The following CCDC171 variants were observed in gnomAD, a reference collection of about 807,000 sequenced individuals.
The protein encoded by CCDC171 is coiled-coil domain containing 171.
Under a neutral mutation model 168.2 loss-of-function variants are expected in CCDC171, and 177 were observed. The observed-to-expected ratio is 1.05, with a 90% CI of 0.93 to 1.19. The LOEUF (loss-of-function observed/expected upper bound fraction) is 1.19, where lower values mean the gene tolerates loss of function less well. Among genes scored for constraint, CCDC171 ranks in the 50% most tolerant of loss-of-function variants. The pLI is 0.00. For synonymous variants in CCDC171, 687 were observed against 540.8 expected (o/e 1.27, Z -3.75); for missense variants, 1,991 against 1,539.0 (o/e 1.29, Z -4.91).
chr9:15,844,826 A>C (rs994340534), intron 21 of CCDC171, among the ~76,000 whole-genome samples: 1 of 152,076 alleles, frequency 6.6e-6, no homozygotes, highest in African/African-American at 2.4e-5. Context: ...TGAAAAGTCA[A>C]GTGTGGGTTT....
chr9:15,632,454 C>T (rs984652236), intron 7 of CCDC171, among the ~76,000 whole-genome samples: 17 of 151,946 alleles, frequency 1.1e-4, no homozygotes, highest in African/African-American at 4.1e-4. Flanking sequence ...CCTAGGAATC[C>T]AACTTACAAG....
chr9:16,076,925 A>C, the CCDC171 span, among the ~76,000 whole-genome samples: 5 of 152,320 alleles, frequency 3.3e-5, no homozygotes, highest in Non-Finnish European at 7.3e-5. Flanking sequence ...CTCTCGCTCA[A>C]CATGGATTCA....
intron 25 of CCDC171, among the ~76,000 whole-genome samples, chr9:15,939,180 T>C: frequency 6.6e-6 from 1 of 151,756 alleles, no homozygotes; most frequent in Middle Eastern, 3.4e-3. Flanking sequence ...TGTGTCTAAA[T>C]AGATAATATC....
In CCDC171 at chr9:15,895,423, C is replaced by T. The variant is rs1482386685; in HGVS notation, c.3600+20760C>T. ...AATTCATAAGAACATTTCCACTTAT[C>T]GAGGCCAGATGTCATGATTTTGACA... On this transcript the variant is annotated intron_variant, in intron 24 of 25. Transcript: ENST00000380701. 2.6e-5 allele frequency among the ~76,000 whole-genome samples: 4 copies of T among 152,028 alleles called. No homozygotes were observed. In the East Asian group the frequency reaches 5.8e-4, roughly 22 times the overall value.
chr9:15,865,837 C>T (rs558254596), intron 23 of CCDC171, among the ~76,000 whole-genome samples: 1 of 112,164 alleles, frequency 8.9e-6, no homozygotes, highest in South Asian at 3.9e-4. Flanking sequence ...GTTCAAAGTT[C>T]AACTCTGCGT....
rs149756637 is a variant in CCDC171 at position 15,613,513 on chromosome 9, T to C, written c.676-9754T>C. Reference sequence around the variant, plus strand: ...AACAAATGGTTTTGATTTGCATTTTTCTTTTTTTCTTTTCTTTTTTTTTTT... The same window carrying C: ...AACAAATGGTTTTGATTTGCATTTTCCTTTTTTTCTTTTCTTTTTTTTTTT... On this transcript the variant is annotated intron_variant, in intron 6 of 25. Transcript: ENST00000380701. Among the ~76,000 whole-genome samples, 853 of 151,462 alleles carry C rather than the reference T, an allele frequency of 5.6e-3. 12 individuals carry two copies. The highest frequency in any genetic ancestry group is 0.02 in the African/African-American group (824 of 41,424).
chr9:15,773,815 C>A (rs2057147010), intron 18 of CCDC171, among the ~76,000 whole-genome samples: 1 of 152,106 alleles, frequency 6.6e-6, no homozygotes, highest in Non-Finnish European at 1.5e-5. Flanking sequence ...TAAAAAGCTT[C>A]TGCACAGCCA....
intron 23 of CCDC171, among the ~76,000 whole-genome samples, chr9:15,861,342 C>G (rs528298972): frequency 6.6e-6 from 1 of 151,148 alleles, no homozygotes; most frequent in Non-Finnish European, 1.5e-5. Context: ...TTTATTATTG[C>G]CATTTTGTTC....
chr9:15,605,133 G>A (rs2043126587), intron 6 of CCDC171, among the ~76,000 whole-genome samples: 1 of 152,078 alleles, frequency 6.6e-6, no homozygotes, highest in African/African-American at 2.4e-5. Context: ...CTGGGCTCAA[G>A]TGATCCTTCT....
intron 3 of CCDC171, among the ~76,000 whole-genome samples, chr9:16,017,355 C>T (rs553000884): frequency 6.6e-6 from 1 of 151,988 alleles, no homozygotes; most frequent in African/African-American, 2.4e-5. Flanking sequence ...TGTAAACATG[C>T]CTCTGTTACT....
At chr9:16,033,976 A>G (rs1004709648) in intron 6 of CCDC171, among the ~76,000 whole-genome samples, 2 of 152,202 alleles carry the variant, frequency 1.3e-5, no homozygotes, top group African/African-American at 2.4e-5. Flanking sequence ...AGGCTGCCCC[A>G]GAATTCTGCG....
In CCDC171 at chr9:15,664,822, C is replaced by T. The variant is rs945589880; in HGVS notation, c.916-1341C>T. On this transcript the variant is annotated intron_variant, in intron 8 of 25. Coordinates refer to ENST00000380701, the MANE Select transcript of CCDC171 (RefSeq NM_173550.4). ...CAAGTGATTCTCCTGCCTCAGCCTC[C>T]CTAGTGGCTGGGATTACAGGCACGC... Among the ~76,000 whole-genome samples, 15 of 151,572 alleles carry T rather than the reference C, an allele frequency of 9.9e-5. No individual in the cohort carries two copies. In the South Asian group the frequency reaches 1.5e-3, roughly 15 times the overall value.
chr9:15,558,446 C>T (rs541251214), intron 1 of CCDC171, among the ~76,000 whole-genome samples: 15 of 152,172 alleles, frequency 9.9e-5, no homozygotes, highest in African/African-American at 3.6e-4. Flanking sequence ...TCAACTTCTT[C>T]CTGGTTTAGT....
At chr9:15,727,838 G>A (rs1334734194) in intron 14 of CCDC171, 31 bp from the exon 15 acceptor site, 19 of 1,569,490 alleles carry the variant, frequency 1.2e-5, no homozygotes, top group Middle Eastern at 1.7e-4. Flanking sequence ...TTTATATACA[G>A]CAATTAATTT....
At position 15,601,964 on chromosome 9, in the gene CCDC171, A is replaced by G. The variant is rs1440787939; in HGVS notation, c.675+7792A>G. On this transcript the variant is annotated intron_variant, in intron 6 of 25. Transcript: ENST00000380701. ...AAATGAAACATTGTGGTTATACCAA[A>G]GTTTATATGTGAAGTACTAAAAGAA... Among the ~76,000 whole-genome samples, 8 of 152,218 alleles carry G rather than the reference A, an allele frequency of 5.3e-5. No homozygotes were observed. In the East Asian group the frequency reaches 1.5e-3, roughly 29 times the overall value.
intron 7 of CCDC171, among the ~76,000 whole-genome samples, chr9:15,646,798 A>C (rs192578463): frequency 1.4e-3 from 210 of 152,310 alleles, no homozygotes; most frequent in Middle Eastern, 0.01. Flanking sequence ...ACACAATAAT[A>C]ATGGGAGACT....
At chr9:15,701,302 A>G (rs1166403712) in intron 11 of CCDC171, among the ~76,000 whole-genome samples, 1 of 152,200 alleles carries the variant, frequency 6.6e-6, no homozygotes, top group African/African-American at 2.4e-5. Context: ...GGTTTTAGCC[A>G]TAAAATCTTT....
chr9:15,664,716 G>C (rs897553938), intron 8 of CCDC171, among the ~76,000 whole-genome samples: 1 of 54,032 alleles, frequency 1.9e-5, no homozygotes, highest in Non-Finnish European at 3.4e-5. Flanking sequence ...TTTTTTTTTT[G>C]AGACGGAGTT....
In CCDC171 at chr9:15,911,627, T is replaced by G. The variant is rs143270873; in HGVS notation, c.3601-8643T>G. Among the ~76,000 whole-genome samples the G allele has an allele frequency of 1.8e-3, 270 of 152,336 alleles. 2 individuals carry two copies. Among genetic ancestry groups the G allele is most frequent in the African/African-American group, 5.9e-3 (244 of 41,588 alleles). On this transcript the variant is annotated intron_variant, in intron 24 of 25. Coordinates refer to ENST00000380701, the MANE Select transcript of CCDC171 (RefSeq NM_173550.4). Reference sequence around the variant, plus strand: ...TAGTCATGAAGTCTTTGCCCATGCCTATGTCCTGAATGGTATTGCCTAGGT... The same window carrying G: ...TAGTCATGAAGTCTTTGCCCATGCCGATGTCCTGAATGGTATTGCCTAGGT...
Sources: allele counts gnomAD v4.1 joint callset (sites outside exome capture counted in the v4.1 genomes callset), GRCh38; gene constraint gnomAD v4.1.1; transcripts MANE v1.5; gene names NCBI Gene and HGNC (gene_info 2026-07-23, HGNC 2026-07-21).